The following RORA variants were observed in gnomAD, a reference collection of about 807,000 sequenced individuals.
RORA encodes nuclear receptor ROR-alpha.
In RORA, 7 loss-of-function variants were observed where a neutral mutation model predicts 69.5. The ratio of observed to expected loss-of-function variants is 0.10; its 90% CI spans 0.06 to 0.19. The LOEUF is 0.19. RORA is among the 10% of genes least tolerant of loss of function. RORA has a pLI of 1.00. For synonymous variants in RORA, 261 were observed against 240.8 expected (o/e 1.08, Z -0.78); for missense variants, 457 against 663.0 (o/e 0.69, Z 3.41).
At chr15:60,800,101 A>G (rs1022439043) in intron 1 of RORA, among the ~76,000 whole-genome samples, 1 of 152,234 alleles carries the variant, frequency 6.6e-6, no homozygotes, top group African/African-American at 2.4e-5. Flanking sequence ...TTGGTTGCCC[A>G]AAACTGGCTA....
intron 1 of RORA, among the ~76,000 whole-genome samples, chr15:60,837,293 A>AAT (rs777482553): frequency 6.6e-6 from 1 of 152,126 alleles, no homozygotes; most frequent in African/African-American, 2.4e-5. Flanking sequence ...CAATATATCA[A>AAT]ATTAGAAAAA....
chr15:60,719,076 T>G (rs979165033), intron 1 of RORA, among the ~76,000 whole-genome samples: 3 of 152,132 alleles, frequency 2.0e-5, no homozygotes, highest in Non-Finnish European at 4.4e-5. Flanking sequence ...TAGTTAAAGA[T>G]GCAAAAGGCC....
chr15:60,503,737 T>G (rs2065403957), intron 6 of RORA, 70 bp from the exon 7 acceptor site: 8 of 1,585,118 alleles, frequency 5.0e-6, no homozygotes, highest in Middle Eastern at 1.7e-4. Context: ...GCTGCAGAGT[T>G]ATGAAAGCAA....
At chr15:61,194,516 CTG>C (rs1301576628) in intron 1 of RORA, among the ~76,000 whole-genome samples, 2 of 146,844 alleles carry the variant, frequency 1.4e-5, no homozygotes, top group African/African-American at 5.0e-5. Flanking sequence ...TGAGCTAAGA[CTG>C]TGCCACTGCA....
chr15:60,540,567 C>G (rs1026035325), intron 2 of RORA, among the ~76,000 whole-genome samples: 1 of 48,046 alleles, frequency 2.1e-5, no homozygotes, highest in Non-Finnish European at 4.6e-5. Context: ...TTCCATGACC[C>G]CCCCCCCCCA....
chr15:60,942,994 T>G (rs982141959), intron 1 of RORA, among the ~76,000 whole-genome samples: 2 of 152,264 alleles, frequency 1.3e-5, no homozygotes, highest in African/African-American at 4.8e-5. Flanking sequence ...ATAGAATGGT[T>G]GAATAACAAC....
chr15:61,110,523 T>A (rs950474442), intron 1 of RORA, among the ~76,000 whole-genome samples: 1 of 152,230 alleles, frequency 6.6e-6, no homozygotes, highest in East Asian at 1.9e-4. Flanking sequence ...AGTGTACTCT[T>A]ATTTTTTTTA....
At chr15:61,210,612 A>G (rs754089501) in intron 1 of RORA, among the ~76,000 whole-genome samples, 1 of 152,242 alleles carries the variant, frequency 6.6e-6, no homozygotes, top group Admixed American at 6.5e-5. Flanking sequence ...GAAGTATGTC[A>G]AGGTGGGCTA....
At chr15:60,608,087 G>A (rs903732270) in intron 2 of RORA, among the ~76,000 whole-genome samples, 1 of 152,182 alleles carries the variant, frequency 6.6e-6, no homozygotes, top group African/African-American at 2.4e-5. Flanking sequence ...CACCTGCCAG[G>A]CTAGATCCAC....
intron 1 of RORA, among the ~76,000 whole-genome samples, chr15:60,945,990 C>A (rs1010743567): frequency 6.6e-6 from 1 of 152,070 alleles, no homozygotes; most frequent in Non-Finnish European, 1.5e-5. Context: ...ACCCTGAGTT[C>A]AGGCTGGGCT....
At chr15:60,833,589 T>G (rs2073077162) in intron 1 of RORA, among the ~76,000 whole-genome samples, 1 of 149,022 alleles carries the variant, frequency 6.7e-6, no homozygotes, top group African/African-American at 2.4e-5. Flanking sequence ...AAAACTCTTC[T>G]CTTTTCCCTT....
At chr15:60,583,764 C>T (rs1018346120) in intron 2 of RORA, among the ~76,000 whole-genome samples, 1 of 152,208 alleles carries the variant, frequency 6.6e-6, no homozygotes. Context: ...AAATTGCTCA[C>T]ATCTGGCACC....
At chr15:60,821,184 C>G (rs1289862015) in intron 1 of RORA, among the ~76,000 whole-genome samples, 1 of 152,162 alleles carries the variant, frequency 6.6e-6, no homozygotes, top group Admixed American at 6.5e-5. Context: ...ACTGGAGATG[C>G]CTCCAGTGCC....
intron 1 of RORA, among the ~76,000 whole-genome samples, chr15:60,941,027 C>T (rs776718008): frequency 2.0e-5 from 3 of 152,216 alleles, no homozygotes; most frequent in Non-Finnish European, 4.4e-5. Context: ...TATGTGATAG[C>T]AGACCTGCAA....
chr15:61,002,592 G>T (rs1224786158), intron 1 of RORA, among the ~76,000 whole-genome samples: 3 of 152,112 alleles, frequency 2.0e-5, no homozygotes, highest in African/African-American at 7.2e-5. Flanking sequence ...TCCAAATGCA[G>T]CCTACCTTTA....
chr15:61,121,849 A>T lies in RORA; in HGVS notation c.166+107204T>A, dbSNP rs77483514. Reference sequence around the variant, plus strand: ...AGAAAAAAAAAAAATGACTTCCTATAAAAAAAAAAAAGGGCCCAAGTAGAA... The same window carrying T: ...AGAAAAAAAAAAAATGACTTCCTATTAAAAAAAAAAAGGGCCCAAGTAGAA... On this transcript the variant is annotated intron_variant, in intron 1 of 10. Transcript: ENST00000335670. 7.2e-3 allele frequency among the ~76,000 whole-genome samples: 470 copies of T among 65,312 alleles called. 2 individuals are homozygous for T. The highest frequency in any genetic ancestry group is 0.023 in the African/African-American group (433 of 18,920). 42.8% of individuals were successfully genotyped at this position (65,312 alleles called of 152,430 possible). A position where few individuals can be genotyped will look rare whatever the true frequency, so the allele number is the denominator to read the frequency against.
intron 2 of RORA, among the ~76,000 whole-genome samples, chr15:60,577,045 TA>T (rs890074703): frequency 2.6e-5 from 4 of 151,916 alleles, no homozygotes; most frequent in African/African-American, 9.6e-5. Flanking sequence ...GCTATATTAA[TA>T]AAAAAAACAA....
In RORA at chr15:60,665,654, C is replaced by T. The variant is rs147862585; in HGVS notation, c.196+13003G>A. Among the ~76,000 whole-genome samples, 295 of 152,236 alleles carry T rather than the reference C, an allele frequency of 1.9e-3. 2 individuals carry two copies. The highest frequency in any genetic ancestry group is 6.9e-3 in the African/African-American group (285 of 41,546). On this transcript the variant is annotated intron_variant, in intron 2 of 10. Transcript: ENST00000335670. ...GTTTCCAAACTATTATAATGCAAAT[C>T]TCACAATATAATTTCAAGTAATAAA... is the stretch of plus-strand genomic sequence containing the variant.
At chr15:61,025,170 G>C (rs1385171165) in intron 1 of RORA, among the ~76,000 whole-genome samples, 1 of 152,112 alleles carries the variant, frequency 6.6e-6, no homozygotes, top group African/African-American at 2.4e-5. Context: ...CAAGCTCCAG[G>C]ATGCCCCTGA....
Sources: gnomAD v4.1 joint callset for allele counts (sites outside exome capture counted in the v4.1 genomes callset) on GRCh38, gnomAD v4.1.1 for gene constraint, MANE v1.5 for transcripts, NCBI Gene and HGNC (gene_info 2026-07-23, HGNC 2026-07-21) for gene names.